DLGAP1: variants seen among roughly 807,000 people sequenced by gnomAD.
The protein encoded by DLGAP1 is disks large-associated protein 1.
In DLGAP1, 11 loss-of-function variants were observed where a neutral mutation model predicts 90.8. That is an observed-to-expected ratio of 0.12 (90% confidence interval 0.08 to 0.20). The LOEUF (loss-of-function observed/expected upper bound fraction) is 0.20, where lower values mean the gene tolerates loss of function less well. Among genes scored for constraint, DLGAP1 ranks in the 10% least tolerant of loss-of-function variants. DLGAP1 has a pLI of 1.00. For synonymous variants in DLGAP1, 558 were observed against 540.7 expected, an observed-to-expected ratio of 1.03 and a Z score of -0.44; for missense variants, 1,050 against 1,333.8, an observed-to-expected ratio of 0.79 and a Z score of 3.31.
chr18:4,105,865 C>T (rs560317060), intron 2 of DLGAP1, among the ~76,000 whole-genome samples: 4 of 151,766 alleles, frequency 2.6e-5, no homozygotes, highest in Middle Eastern at 3.4e-3. Flanking sequence ...CCCGTCTCTA[C>T]TAAAAATACA....
intron 7 of DLGAP1, among the ~76,000 whole-genome samples, chr18:3,637,018 C>T (rs10468744): frequency 0.016 from 2,482 of 152,174 alleles, 76 homozygotes; most frequent in African/African-American, 0.056. Flanking sequence ...CCACTGCGCC[C>T]GGCCACTTTT....
intron 1 of DLGAP1, among the ~76,000 whole-genome samples, chr18:4,441,993 T>G (rs1188059405): frequency 1.3e-5 from 2 of 152,148 alleles, no homozygotes; most frequent in Non-Finnish European, 2.9e-5. Context: ...ATCACTTTTT[T>G]GTTTGTTTGT....
At chr18:3,996,299 G>C (rs546355069) in intron 3 of DLGAP1, among the ~76,000 whole-genome samples, 11 of 152,170 alleles carry the variant, frequency 7.2e-5, no homozygotes, top group African/African-American at 2.6e-4. Context: ...AATGTGGCCA[G>C]TGTGACTGAG....
chr18:3,733,812 CAT>C (rs963252184), intron 6 of DLGAP1, among the ~76,000 whole-genome samples: 1 of 152,188 alleles, frequency 6.6e-6, no homozygotes, highest in African/African-American at 2.4e-5. Flanking sequence ...ATCTGACTCA[CAT>C]GTTTTTCCTT....
At chr18:3,936,734 A>C (rs1466753437) in intron 3 of DLGAP1, among the ~76,000 whole-genome samples, 2 of 152,228 alleles carry the variant, frequency 1.3e-5, no homozygotes, top group Non-Finnish European at 2.9e-5. Context: ...CATTCTAGAA[A>C]GGTTCCTCCA....
chr18:3,551,601 TTTTCTTTC>T (rs1555677355), intron 9 of DLGAP1, among the ~76,000 whole-genome samples: 1 of 27,536 alleles, frequency 3.6e-5, no homozygotes, highest in Admixed American at 4.1e-4. Flanking sequence ...TTCTTTTTCT[TTTTCTTTC>T]TTTCTTTCTT....
intron 7 of DLGAP1, among the ~76,000 whole-genome samples, chr18:3,618,417 C>G (rs2057960005): frequency 6.6e-6 from 1 of 152,052 alleles, no homozygotes; most frequent in African/African-American, 2.4e-5. Flanking sequence ...CACAAACACT[C>G]ACTGGCTGCT....
chr18:3,622,140 T>C (rs528682417), intron 7 of DLGAP1, among the ~76,000 whole-genome samples: 1 of 152,032 alleles, frequency 6.6e-6, no homozygotes, highest in South Asian at 2.1e-4. Context: ...AGTCTCGCTC[T>C]GTCGCCCAGG....
rs76651639 is a variant in DLGAP1 at position 4,217,293 on chromosome 18, T to C, written c.-266-66006A>G. ...TGTTTAAATGTTCACCTAGGATATC[T>C]TGGTTGTTTCTAAGGTTTGACAAAT... On this transcript the variant is annotated intron_variant, in intron 1 of 12. Coordinates refer to ENST00000315677, the MANE Select transcript of DLGAP1 (RefSeq NM_004746.4). 9.3e-3 allele frequency among the ~76,000 whole-genome samples: 1,423 copies of C among 152,246 alleles called. 23 individuals carry two copies. Among genetic ancestry groups the C allele is most frequent in the African/African-American group, 0.032 (1,344 of 41,546 alleles).
chr18:4,231,559 T>C (rs2145055471), intron 1 of DLGAP1, among the ~76,000 whole-genome samples: 1 of 152,326 alleles, frequency 6.6e-6, no homozygotes, highest in Admixed American at 6.5e-5. Flanking sequence ...CACTGTGTGA[T>C]CTCTCTGTTA....
At chr18:3,630,121 C>T (rs28668905) in intron 7 of DLGAP1, among the ~76,000 whole-genome samples, 5,714 of 152,220 alleles carry the variant, frequency 0.038, 369 homozygotes, top group African/African-American at 0.13. Context: ...GATGGTGCTT[C>T]CAAGTGAGAG....
intron 8 of DLGAP1, 56 bp downstream of exon 8, chr18:3,581,819 G>GTTTTGTTTTAAGTTTAAGTGTTTAAGTGT: frequency 6.3e-7 from 1 of 1,587,416 alleles, no homozygotes; most frequent in Middle Eastern, 1.8e-4. Flanking sequence ...AACAAAAAGT[G>GTTTTGTTTTAAGTTTAAGTGTTTAAGTGT]TTACATTCCT....
At chr18:4,300,435 C>T (rs9959929) in intron 1 of DLGAP1, among the ~76,000 whole-genome samples, 32,750 of 151,964 alleles carry the variant, frequency 0.22, 3,626 homozygotes, top group African/African-American at 0.25. Context: ...AACCTATTCC[C>T]ACCCTATGTA....
intron 7 of DLGAP1, among the ~76,000 whole-genome samples, chr18:3,685,979 G>A (rs1490661503): frequency 2.0e-5 from 3 of 152,092 alleles, no homozygotes; most frequent in Non-Finnish European, 4.4e-5. Context: ...TTCGAGACCA[G>A]CCTGGCCAAC....
At chr18:3,596,798 A>G (rs1201091528) in intron 7 of DLGAP1, 1 of 518,250 alleles carries the variant, frequency 1.9e-6, no homozygotes, top group African/African-American at 1.9e-5. Flanking sequence ...TAAAGTGGAC[A>G]CCTCAGCAAA....
chr18:3,993,873 A>G (rs1599287268), intron 3 of DLGAP1, among the ~76,000 whole-genome samples: 1 of 152,162 alleles, frequency 6.6e-6, no homozygotes, highest in Non-Finnish European at 1.5e-5. Flanking sequence ...TTGAGAAGAT[A>G]AAGTTTTAGT....
At chr18:4,293,176 C>G (rs186872554) in intron 1 of DLGAP1, 2 of 152,154 alleles carry the variant, frequency 1.3e-5, no homozygotes, top group Non-Finnish European at 2.9e-5. Flanking sequence ...AAGATCGAAG[C>G]AAATGAACAA....
rs533627036 is a variant in DLGAP1, at chr18:3,826,590, C to A, written c.958-12317G>T. 2.4e-4 allele frequency among the ~76,000 whole-genome samples: 37 copies of A among 152,196 alleles called. No individual in the cohort carries two copies. In the South Asian group the frequency reaches 7.7e-3, roughly 32 times the overall value. ...AAGGGCAGGACTGCCATGCACACAG[C>A]GGGAGGCCAGGTGAGTGGAGTGGAG... On this transcript the variant is annotated intron_variant, in intron 4 of 12. Transcript: ENST00000315677.
At position 3,742,497 on chromosome 18, in the gene DLGAP1, G is replaced by C; in HGVS notation, c.1188C>G (p.His396Gln). The C allele has an allele frequency of 6.2e-7, 1 of 1,614,176 alleles. No homozygotes were observed. The highest frequency in any genetic ancestry group is 8.5e-7 in the Non-Finnish European group (1 of 1,180,016). Reference protein sequence around the residue: ...ELTTLKISNEHSPKLQIRSHS... With the variant: ...ELTTLKISNEQSPKLQIRSHS... ...GACTCCGGATCTGGAGTTTGGGTGA[G>C]TGTTCATTGGAGATTCTGGAAGGGA... is the stretch of plus-strand genomic sequence containing the variant. The change falls in exon 6 of 13, where the codon CAC (histidine) becomes CAG (glutamine). Residue 396 changes from histidine (H) to glutamine (Q), a missense_variant. Transcript: ENST00000315677.
Sources: allele counts gnomAD v4.1 joint callset (sites outside exome capture counted in the v4.1 genomes callset), GRCh38; gene constraint gnomAD v4.1.1; transcripts MANE v1.5; gene names NCBI Gene and HGNC (gene_info 2026-07-23, HGNC 2026-07-21).